Variants in LEPROT observed in about 807,000 individuals in gnomAD.
LEPROT encodes leptin receptor gene-related protein.
In LEPROT, 3 loss-of-function variants were observed where a neutral mutation model predicts 15.4. The observed-to-expected ratio is 0.19, with a 90% CI of 0.09 to 0.50. The LOEUF (loss-of-function observed/expected upper bound fraction) is 0.50. Among genes scored for constraint, LEPROT ranks in the 20% least tolerant of loss-of-function variants. LEPROT has a pLI of 0.97. For missense variants in LEPROT, 137 were observed against 162.2 expected, an observed-to-expected ratio of 0.84 and a Z score of 0.84; for synonymous variants, 59 against 57.5, an observed-to-expected ratio of 1.03 and a Z score of -0.12.
chr1:65,424,846 A>G (rs1038685268), intron 1 of LEPROT, among the ~76,000 whole-genome samples: 1 of 152,184 alleles, frequency 6.6e-6, no homozygotes, highest in South Asian at 2.1e-4. Flanking sequence ...CCCCACCCTC[A>G]TGACCTCATC....
At position 65,420,668 on chromosome 1, in the gene LEPROT, A is replaced by G. The variant is rs1646226214; in HGVS notation, c.-57A>G. On this transcript the variant is annotated 5_prime_UTR_variant, in exon 1 of 4. Transcript: ENST00000371065. ...GGGCGACTCCCGGTCTGGCTTGGGC[A>G]GGCTGCCCGGGCCGTGGCAGGAAGC... is the stretch of plus-strand genomic sequence containing the variant. 3.9e-6 allele frequency: 6 copies of G among 1,556,196 alleles called. No individual in the cohort carries two copies. The highest frequency in any genetic ancestry group is 1.2e-5 in the South Asian group (1 of 84,618).
Position 65,433,386 on chromosome 1 carries a change from G to A in LEPROT, c.*1467G>A, listed in dbSNP as rs1646515165. Reference sequence around the variant, plus strand: ...GGGTATACCTGTCATGTTGGATCCTGTAATCACAGTTTTCCCTGCTCACCT... The same window carrying A: ...GGGTATACCTGTCATGTTGGATCCTATAATCACAGTTTTCCCTGCTCACCT... On this transcript the variant is annotated 3_prime_UTR_variant, in exon 4 of 4. Transcript: ENST00000371065. The A allele has an allele frequency of 1.0e-6, 1 of 985,288 alleles. No homozygotes were observed. The highest frequency in any genetic ancestry group is 1.2e-6 in the Non-Finnish European group (1 of 829,952). 61.0% of individuals were successfully genotyped at this position (985,288 alleles called of 1,614,324 possible). A position where few individuals can be genotyped will look rare whatever the true frequency, so the allele number is the denominator to read the frequency against.
rs181942745 is a variant in LEPROT, at chr1:65,424,160, C to T, written c.17-1143C>T. On this transcript the variant is annotated intron_variant, in intron 1 of 3. Coordinates refer to ENST00000371065, the MANE Select transcript of LEPROT (RefSeq NM_017526.5). Reference sequence around the variant, plus strand: ...CTCTGTTTCTCACTCAGCAGCACAACAAGGGCAAATACGTTCCTACTCCCG... The same window carrying T: ...CTCTGTTTCTCACTCAGCAGCACAATAAGGGCAAATACGTTCCTACTCCCG... Among the ~76,000 whole-genome samples the T allele has an allele frequency of 6.2e-4, 94 of 151,660 alleles. No homozygotes were observed. The East Asian group carries it at 9.4e-3, about 15-fold the overall frequency.
intron 1 of LEPROT, chr1:65,421,589 T>C: frequency 9.7e-7 from 1 of 1,032,634 alleles, no homozygotes. Flanking sequence ...AACATGTAGA[T>C]AGTATATATA....
At chr1:65,422,347 C>T (rs1466726321) in intron 1 of LEPROT, among the ~76,000 whole-genome samples, 4 of 152,150 alleles carry the variant, frequency 2.6e-5, no homozygotes, top group Non-Finnish European at 5.9e-5. Flanking sequence ...GGCAACCATG[C>T]TGGCAACCAC....
In LEPROT at chr1:65,433,259, C is replaced by A; in HGVS notation, c.*1340C>A. 2.0e-6 allele frequency: 2 copies of A among 985,366 alleles called. No homozygotes were observed. The highest frequency in any genetic ancestry group is 4.7e-5 in the South Asian group (1 of 21,278). The allele number at this position is 985,366 out of a possible 1,614,324, so 61.0% of individuals were successfully genotyped here. A position where few individuals can be genotyped will look rare whatever the true frequency, so the allele number is the denominator to read the frequency against. On this transcript the variant is annotated 3_prime_UTR_variant, in exon 4 of 4. Coordinates refer to ENST00000371065, the MANE Select transcript of LEPROT (RefSeq NM_017526.5). ...AAGAGATATAGGAGCCATGTAAGCA[C>A]GCAGTGGGTGAACTGCTTAATTTCA...
intron 2 of LEPROT, among the ~76,000 whole-genome samples, chr1:65,428,257 T>C (rs1336186224): frequency 1.3e-5 from 2 of 152,206 alleles, no homozygotes; most frequent in Non-Finnish European, 2.9e-5. Context: ...TAGTTGGATA[T>C]CGGTGGCTTA....
At chr1:65,423,968 A>G (rs1003404393) in intron 1 of LEPROT, among the ~76,000 whole-genome samples, 3 of 152,200 alleles carry the variant, frequency 2.0e-5, no homozygotes, top group African/African-American at 7.2e-5. Flanking sequence ...TATCTCATTT[A>G]ATTCCCATAA....
intron 2 of LEPROT, among the ~76,000 whole-genome samples, chr1:65,429,601 G>A (rs1054563066): frequency 2.6e-5 from 4 of 152,102 alleles, no homozygotes; most frequent in African/African-American, 9.7e-5. Context: ...TGGCTCAGTG[G>A]TACAGAAAAC....
At position 65,435,343 on chromosome 1, in the gene LEPROT, TCA is replaced by T; in HGVS notation, c.*3427_*3428del. The T allele has an allele frequency of 1.0e-6, 1 of 973,232 alleles. No homozygotes were observed. Among genetic ancestry groups the T allele is most frequent in the Admixed American group, 6.2e-5 (1 of 16,132 alleles). 60.3% of individuals were successfully genotyped at this position (973,232 alleles called of 1,614,324 possible). On this transcript the variant is annotated 3_prime_UTR_variant, in exon 4 of 4. Transcript: ENST00000371065. ...TTCTCAGGGAAATGCTTAGGTGGTG[TCA>T]CAAAATGTGCCTTTTCTTTTCTTTT...
intron 1 of LEPROT, among the ~76,000 whole-genome samples, chr1:65,421,156 T>C (rs373590979): frequency 9.8e-5 from 15 of 152,346 alleles, no homozygotes; most frequent in Admixed American, 3.3e-4. Context: ...GTTCTTAGCA[T>C]TGGGAAACTT....
At chr1:65,425,268 G>A in intron 1 of LEPROT, 35 bp from the exon 2 acceptor site, 1 of 1,597,658 alleles carries the variant, frequency 6.3e-7, no homozygotes, top group Middle Eastern at 1.7e-4. Context: ...AACCTCTACT[G>A]TGGGAACTTT....
chr1:65,424,966 G>A (rs1646330416), intron 1 of LEPROT, among the ~76,000 whole-genome samples: 1 of 152,190 alleles, frequency 6.6e-6, no homozygotes, highest in Non-Finnish European at 1.5e-5. Context: ...ACATAATGCA[G>A]TCTGTAACGG....
At position 65,427,341 on chromosome 1, in the gene LEPROT, C is replaced by T. The variant is rs114546727; in HGVS notation, c.92+1963C>T. Among the ~76,000 whole-genome samples the T allele has an allele frequency of 4.5e-3, 682 of 152,130 alleles. 7 individuals carry two copies. Among genetic ancestry groups the T allele is most frequent in the African/African-American group, 0.016 (656 of 41,516 alleles). ...ATAATCCCAGCACTTTGGGAGGCAACGGTAGGAGGATTGCTTGAAGCCAGG... is the reference window on the plus strand; with the variant it reads ...ATAATCCCAGCACTTTGGGAGGCAATGGTAGGAGGATTGCTTGAAGCCAGG... On this transcript the variant is annotated intron_variant, in intron 2 of 3. Transcript: ENST00000371065.
Position 65,434,846 on chromosome 1 carries a change from T to G in LEPROT, c.*2927T>G. ...GAGTCACCCACCCTTCTCCTCCCAT[T>G]AGTCAGTTCTCTAAGTACAGCTGAT... On this transcript the variant is annotated 3_prime_UTR_variant, in exon 4 of 4. Transcript: ENST00000371065. The G allele has an allele frequency of 1.0e-6, 1 of 985,474 alleles. No individual in the cohort carries two copies. Among genetic ancestry groups the G allele is most frequent in the Non-Finnish European group, 1.2e-6 (1 of 829,944 alleles). The allele number at this position is 985,474 out of a possible 1,614,324, so 61.0% of individuals were successfully genotyped here.
At chr1:65,430,084 G>A (rs759503628) in intron 3 of LEPROT, 36 bp downstream of exon 3, 5 of 1,511,034 alleles carry the variant, frequency 3.3e-6, no homozygotes, top group South Asian at 2.6e-5. Context: ...CCCAACCGTT[G>A]CTGAGTTTAC....
intron 2 of LEPROT, chr1:65,427,830 C>T (rs572909355): frequency 2.8e-5 from 11 of 398,694 alleles, no homozygotes; most frequent in Non-Finnish European, 3.5e-5. Flanking sequence ...TTGTAGAGAC[C>T]GAGTCTCTCT....
At chr1:65,424,714 A>G (rs55730790) in intron 1 of LEPROT, among the ~76,000 whole-genome samples, 21,200 of 152,234 alleles carry the variant, frequency 0.14, 1,517 homozygotes, top group Non-Finnish European at 0.16. Context: ...GGTGAGAGCC[A>G]GCTTCCTGGT....
chr1:65,431,878 A>G lies in LEPROT; in HGVS notation c.355A>G (p.Ile119Val). 1.2e-6 allele frequency: 2 copies of G among 1,614,054 alleles called. No homozygotes were observed. The highest frequency in any genetic ancestry group is 1.7e-6 in the Non-Finnish European group (2 of 1,179,984). ...CCTTACAATTCAAGGGTTTTTCCTTATATTTGGAAGAGGAGATGATTTTAG... is the reference window on the plus strand; with the variant it reads ...CCTTACAATTCAAGGGTTTTTCCTTGTATTTGGAAGAGGAGATGATTTTAG... ...IFLTIQGFFL[I>V]FGRGDDFSWE... Residue 119 changes from isoleucine to valine, a missense_variant, in exon 4 of 4, where the codon ATA (isoleucine) becomes GTA (valine). Coordinates refer to ENST00000371065, the MANE Select transcript of LEPROT (RefSeq NM_017526.5).
Sources: allele counts gnomAD v4.1 joint callset (sites outside exome capture counted in the v4.1 genomes callset), GRCh38; gene constraint gnomAD v4.1.1; transcripts MANE v1.5; gene names NCBI Gene and HGNC (gene_info 2026-07-23, HGNC 2026-07-21).